Variants in STXBP5L observed in about 807,000 individuals in gnomAD.
STXBP5L encodes the protein syntaxin-binding protein 5-like.
STXBP5L carries 65 observed loss-of-function variants against 144.5 expected under a neutral mutation model. The ratio of observed to expected loss-of-function variants is 0.45; its 90% confidence interval spans 0.37 to 0.55. STXBP5L has a LOEUF of 0.55. STXBP5L is among the 20% of genes least tolerant of loss of function. STXBP5L has a pLI of 0.00. For synonymous variants in STXBP5L, 505 were observed against 469.6 expected (o/e 1.08, Z -0.97); for missense variants, 1,298 against 1,405.5 (o/e 0.92, Z 1.22).
At chr3:121,368,639 C>T (rs2108654858) in intron 20 of STXBP5L, among the ~76,000 whole-genome samples, 1 of 151,794 alleles carries the variant, frequency 6.6e-6, no homozygotes, top group Admixed American at 6.6e-5. Flanking sequence ...TATTTTGTTG[C>T]TGTTATTGCT....
chr3:121,278,444 T>G (rs959513851), intron 18 of STXBP5L, among the ~76,000 whole-genome samples: 1 of 151,980 alleles, frequency 6.6e-6, no homozygotes, highest in African/African-American at 2.4e-5. Context: ...ATATAGAATG[T>G]CATGCATCCT....
At chr3:121,215,545 G>A (rs2048744720) in intron 10 of STXBP5L, among the ~76,000 whole-genome samples, 1 of 152,086 alleles carries the variant, frequency 6.6e-6, no homozygotes, top group Non-Finnish European at 1.5e-5. Flanking sequence ...CTTTTTTATG[G>A]CTTGTAGGGT....
intron 3 of STXBP5L, among the ~76,000 whole-genome samples, chr3:121,022,408 C>T (rs959843715): frequency 4.6e-5 from 7 of 151,778 alleles, no homozygotes; most frequent in African/African-American, 1.4e-4. Context: ...AAGAGGTAAT[C>T]CTCTCTAAAT....
chr3:121,054,189 C>G (rs377196214), intron 5 of STXBP5L, among the ~76,000 whole-genome samples: 1 of 152,054 alleles, frequency 6.6e-6, no homozygotes, highest in East Asian at 1.9e-4. Flanking sequence ...GTGGCGATTC[C>G]TCAGGGATCT....
intron 5 of STXBP5L, among the ~76,000 whole-genome samples, chr3:121,103,107 T>A (rs1486231539): frequency 2.0e-5 from 3 of 152,182 alleles, no homozygotes; most frequent in Non-Finnish European, 1.5e-5. Flanking sequence ...TTGGTGGGAA[T>A]GTTACTAGTT....
Position 120,977,240 on chromosome 3 carries a change from G to A in STXBP5L, c.287+22203G>A, listed in dbSNP as rs542884688. ...GAATCTGGGTGCTCCTGTATTGGGT[G>A]CATATATATTTAGGATAGTTAGCTC... is the stretch of plus-strand genomic sequence containing the variant. On this transcript the variant is annotated intron_variant, in intron 3 of 26. Coordinates refer to ENST00000471454, the MANE Select transcript of STXBP5L (RefSeq NM_001308330.2). Among the ~76,000 whole-genome samples, 7 of 152,316 alleles carry A rather than the reference G, an allele frequency of 4.6e-5. No individual in the cohort carries two copies. In the South Asian group the frequency reaches 1.4e-3, roughly 32 times the overall value.
At chr3:120,972,245 C>G (rs1940357378) in intron 3 of STXBP5L, among the ~76,000 whole-genome samples, 1 of 151,880 alleles carries the variant, frequency 6.6e-6, no homozygotes, top group South Asian at 2.1e-4. Context: ...TCTATGATTT[C>G]TTTCATTGTT....
chr3:121,030,032 A>C (rs1332811301), intron 3 of STXBP5L, among the ~76,000 whole-genome samples: 2 of 152,104 alleles, frequency 1.3e-5, no homozygotes, highest in Admixed American at 6.6e-5. Flanking sequence ...GAAACGACAG[A>C]AGCTGGAGAG....
At chr3:120,929,904 C>G (rs972292117) in intron 2 of STXBP5L, among the ~76,000 whole-genome samples, 2 of 148,898 alleles carry the variant, frequency 1.3e-5, no homozygotes, top group African/African-American at 4.9e-5. Flanking sequence ...ATGAATTGTC[C>G]TTTCATATCC....
rs533674230 is a variant in STXBP5L, at chr3:121,100,461, C to T, written c.471-14464C>T. Among the ~76,000 whole-genome samples the T allele has an allele frequency of 2.8e-4, 42 of 152,228 alleles. 1 individual carries two copies. The South Asian group carries it at 7.3e-3, about 26-fold the overall frequency. Reference sequence around the variant, plus strand: ...AAGATCTTTTATTACCACACAATTACATGAAAATCTTAAAAACTTGCTCCC... The same window carrying T: ...AAGATCTTTTATTACCACACAATTATATGAAAATCTTAAAAACTTGCTCCC... On this transcript the variant is annotated intron_variant, in intron 5 of 26. Transcript: ENST00000471454.
chr3:121,008,480 T>C (rs1296931670), intron 3 of STXBP5L, among the ~76,000 whole-genome samples: 1 of 152,046 alleles, frequency 6.6e-6, no homozygotes, highest in Non-Finnish European at 1.5e-5. Context: ...GAGGAAACCA[T>C]TTCTACTTCT....
intron 19 of STXBP5L, among the ~76,000 whole-genome samples, chr3:121,303,370 A>G (rs2052008104): frequency 1.3e-5 from 2 of 152,126 alleles, no homozygotes; most frequent in South Asian, 4.1e-4. Flanking sequence ...TTAAAAAGTC[A>G]GGAAACAACA....
At chr3:120,908,922 C>T (rs1400902395) in intron 1 of STXBP5L, among the ~76,000 whole-genome samples, 2 of 151,650 alleles carry the variant, frequency 1.3e-5, no homozygotes, top group Admixed American at 6.6e-5. Flanking sequence ...CGTTCTCCTC[C>T]TCCCCCCCTC....
intron 20 of STXBP5L, among the ~76,000 whole-genome samples, chr3:121,342,345 T>C (rs1249515092): frequency 6.6e-6 from 1 of 152,160 alleles, no homozygotes; most frequent in South Asian, 2.1e-4. Context: ...ACTAGAATAC[T>C]ATTTTTTTAT....
intron 3 of STXBP5L, among the ~76,000 whole-genome samples, chr3:121,007,700 G>A (rs926114290): frequency 6.6e-6 from 1 of 151,990 alleles, no homozygotes; most frequent in Non-Finnish European, 1.5e-5. Flanking sequence ...GGCAGAATGA[G>A]CATCAGTGGT....
chr3:121,092,009 C>G (rs1281395409), intron 5 of STXBP5L, among the ~76,000 whole-genome samples: 21 of 152,020 alleles, frequency 1.4e-4, no homozygotes, highest in Admixed American at 1.4e-3. Context: ...GCCTGTTTTC[C>G]CAGCACCGTT....
chr3:121,081,563 G>A (rs967681174), intron 5 of STXBP5L, among the ~76,000 whole-genome samples: 1 of 152,070 alleles, frequency 6.6e-6, no homozygotes, highest in African/African-American at 2.4e-5. Context: ...GTCTCCTAGG[G>A]GGTTAGAATG....
chr3:121,137,831 T>C (rs780979503), intron 7 of STXBP5L, among the ~76,000 whole-genome samples: 19 of 152,086 alleles, frequency 1.2e-4, no homozygotes, highest in Non-Finnish European at 2.5e-4. Flanking sequence ...TCATACTGAA[T>C]GGGAAAAAGT....
chr3:121,354,990 T>G (rs987950220), intron 20 of STXBP5L, among the ~76,000 whole-genome samples: 3 of 152,196 alleles, frequency 2.0e-5, no homozygotes, highest in African/African-American at 7.2e-5. Context: ...GGTTGAAAAT[T>G]CTTTAAGAAT....
Sources: allele counts gnomAD v4.1 joint callset (sites outside exome capture counted in the v4.1 genomes callset), GRCh38; gene constraint gnomAD v4.1.1; transcripts MANE v1.5; gene names NCBI Gene and HGNC (gene_info 2026-07-23, HGNC 2026-07-21).